EMC8: variants seen among roughly 807,000 people sequenced by gnomAD.
EMC8 encodes ER membrane protein complex subunit 8.
A neutral mutation model predicts 24.3 loss-of-function variants in EMC8; 11 were observed. The ratio of observed to expected loss-of-function variants is 0.45; its 90% CI spans 0.28 to 0.75. EMC8 has a LOEUF of 0.75. Ranked by LOEUF, EMC8 falls within the 30% of genes least tolerant of loss-of-function variation. The pLI is 0.12. For missense variants in EMC8, 277 were observed against 282.7 expected (o/e 0.98, Z 0.14); for synonymous variants, 145 against 117.7 (o/e 1.23, Z -1.50).
intron 1 of EMC8, among the ~76,000 whole-genome samples, chr16:85,794,120 T>C (rs948173709): frequency 6.6e-5 from 10 of 152,244 alleles, no homozygotes; most frequent in Non-Finnish European, 1.0e-4. Context: ...TGCATGGATT[T>C]AGATGCTTTG....
At position 85,795,063 on chromosome 16, in the gene EMC8, G is replaced by C. The variant is rs189562415; in HGVS notation, c.231+4002C>G. ...TAGTTCCTGGGTTTAACTCTGTCAA[G>C]TACTGCATTCATATCCCATAGTCGG... On this transcript the variant is annotated intron_variant, in intron 1 of 4. Coordinates refer to ENST00000253457, the MANE Select transcript of EMC8 (RefSeq NM_006067.5). Among the ~76,000 whole-genome samples the C allele has an allele frequency of 2.1e-3, 318 of 152,200 alleles. 1 individual carries two copies. Among genetic ancestry groups the C allele is most frequent in the African/African-American group, 7.4e-3 (308 of 41,542 alleles).
chr16:85,793,761 A>G (rs1318121560), intron 1 of EMC8, among the ~76,000 whole-genome samples: 5 of 152,220 alleles, frequency 3.3e-5, no homozygotes, highest in Non-Finnish European at 7.3e-5. Flanking sequence ...AGAAATCAAC[A>G]AGGGGAAAAG....
chr16:85,781,491 C>T (rs96603), intron 2 of EMC8: 368,169 of 517,234 alleles, frequency 0.71, 137,998 homozygotes, highest in Non-Finnish European at 0.8. Flanking sequence ...AGTGTAGTGA[C>T]GCAATCATAG....
At chr16:85,779,928 A>C (rs1351721773) in intron 4 of EMC8, 61 bp from the exon 5 acceptor site, 2 of 1,469,878 alleles carry the variant, frequency 1.4e-6, no homozygotes, top group Non-Finnish European at 1.9e-6. Flanking sequence ...TTGTAACAGC[A>C]TCAAGAGAGA....
At chr16:85,785,998 TAA>T (rs1904737298) in intron 2 of EMC8, among the ~76,000 whole-genome samples, 1 of 152,178 alleles carries the variant, frequency 6.6e-6, no homozygotes, top group South Asian at 2.1e-4. Flanking sequence ...TGGAATGACC[TAA>T]AGTTTAGGAA....
intron 2 of EMC8, among the ~76,000 whole-genome samples, chr16:85,783,987 C>T (rs1002169501): frequency 6.6e-6 from 1 of 152,150 alleles, no homozygotes; most frequent in East Asian, 1.9e-4. Context: ...AGGGACCAAG[C>T]CATCCATCTT....
intron 1 of EMC8, among the ~76,000 whole-genome samples, chr16:85,790,352 T>C (rs1904946760): frequency 6.6e-6 from 1 of 152,178 alleles, no homozygotes; most frequent in Non-Finnish European, 1.5e-5. Flanking sequence ...AGTTCACGAA[T>C]TACCATATTG....
At chr16:85,790,248 C>G (rs1904942277) in intron 1 of EMC8, among the ~76,000 whole-genome samples, 1 of 151,816 alleles carries the variant, frequency 6.6e-6, no homozygotes, top group African/African-American at 2.4e-5. Flanking sequence ...TTGTTTGGGC[C>G]TCTGAGTCTC....
intron 4 of EMC8, 120 bp downstream of exon 4, chr16:85,780,259 T>A: frequency 1.4e-6 from 1 of 733,162 alleles, no homozygotes; most frequent in Non-Finnish European, 2.4e-6. Flanking sequence ...CCGGGGAATA[T>A]GCTTGGTATC....
At chr16:85,788,354 G>A (rs1466327825) in intron 2 of EMC8, among the ~76,000 whole-genome samples, 5 of 152,246 alleles carry the variant, frequency 3.3e-5, no homozygotes, top group Admixed American at 2.0e-4. Context: ...CGTTATCTAC[G>A]GCCCAGGCCT....
chr16:85,798,835 A>G, intron 1 of EMC8: 1 of 483,594 alleles, frequency 2.1e-6, no homozygotes, highest in Non-Finnish European at 3.7e-6. Flanking sequence ...GTCGCCTTAA[A>G]GTGCCTCTAA....
At chr16:85,796,697 T>C (rs567174316) in intron 1 of EMC8, among the ~76,000 whole-genome samples, 12 of 152,274 alleles carry the variant, frequency 7.9e-5, no homozygotes, top group African/African-American at 2.9e-4. Context: ...CACTATTTTC[T>C]CCTGCTCTTT....
intron 2 of EMC8, chr16:85,784,650 C>T (rs1316080350): frequency 6.6e-6 from 1 of 151,990 alleles, no homozygotes; most frequent in Non-Finnish European, 1.5e-5. Context: ...CTTCACTGCA[C>T]TGACCAGGAC....
intron 2 of EMC8, chr16:85,781,862 C>A (rs1204788429): frequency 6.5e-6 from 1 of 152,848 alleles, no homozygotes; most frequent in Non-Finnish European, 1.5e-5. Flanking sequence ...GGGAAAACCA[C>A]CTTTGTGATC....
intron 2 of EMC8, 194 bp downstream of exon 2, chr16:85,788,780 T>G: frequency 1.7e-6 from 1 of 599,340 alleles, no homozygotes; most frequent in South Asian, 2.0e-5. Context: ...AATTCCAAAG[T>G]TAATAGAAAT....
chr16:85,779,476 T>C lies in EMC8; in HGVS notation c.*232A>G, dbSNP rs1395071476. 2.2e-6 allele frequency: 1 copy of C among 463,462 alleles called. No homozygotes were observed. Among genetic ancestry groups the C allele is most frequent in the African/African-American group, 1.9e-5 (1 of 51,364 alleles). 28.7% of individuals were successfully genotyped at this position (463,462 alleles called of 1,614,324 possible). On this transcript the variant is annotated 3_prime_UTR_variant, in exon 5 of 5. Coordinates refer to ENST00000253457, the MANE Select transcript of EMC8 (RefSeq NM_006067.5). ...TTTGATTTGGAGGATTATAGCAACA[T>C]ACAACTGAGAGAGTCCACAGGGACA... is the stretch of plus-strand genomic sequence containing the variant.
chr16:85,799,504 C>G lies in EMC8; in HGVS notation c.-209G>C. Reference sequence around the variant, plus strand: ...TCGCGCCTCTGGGAAGCCGCAGCCCCAGACTCCAGTCGCGCTTCTCGCCCG... The same window carrying G: ...TCGCGCCTCTGGGAAGCCGCAGCCCGAGACTCCAGTCGCGCTTCTCGCCCG... On this transcript the variant is annotated 5_prime_UTR_variant, in exon 1 of 5. Coordinates refer to ENST00000253457, the MANE Select transcript of EMC8 (RefSeq NM_006067.5). This position sits in a 1 kb window ranked among gnomAD's most constrained non-coding sequence, Gnocchi z 4.2. The G allele has an allele frequency of 2.5e-6, 1 of 393,172 alleles. No individual in the cohort carries two copies. The highest frequency in any genetic ancestry group is 9.7e-5 in the South Asian group (1 of 10,362). 24.4% of individuals were successfully genotyped at this position (393,172 alleles called of 1,614,324 possible). A position where few individuals can be genotyped will look rare whatever the true frequency, so the allele number is the denominator to read the frequency against.
intron 3 of EMC8, chr16:85,780,733 T>C: frequency 3.8e-6 from 2 of 532,642 alleles, no homozygotes; most frequent in Non-Finnish European, 6.8e-6. Context: ...CCTAGGATTC[T>C]GTCTGAATCA....
At chr16:85,798,690 G>C (rs1905401581) in intron 1 of EMC8, 1 of 217,136 alleles carries the variant, frequency 4.6e-6, no homozygotes, top group South Asian at 1.3e-4. Flanking sequence ...CCAAATCCTA[G>C]CGATTAATGT....
Sources: allele counts gnomAD v4.1 joint callset (sites outside exome capture counted in the v4.1 genomes callset), GRCh38; gene constraint gnomAD v4.1.1; non-coding constraint Gnocchi (gnomAD v3.1); transcripts MANE v1.5; gene names NCBI Gene and HGNC (gene_info 2026-07-23, HGNC 2026-07-21).